Variants in SBF2 observed in about 807,000 individuals in gnomAD.
SBF2 encodes the protein myotubularin-related protein 13.
Under a neutral mutation model 225.2 loss-of-function variants are expected in SBF2, and 112 were observed. The ratio of observed to expected loss-of-function variants is 0.50; its 90% confidence interval spans 0.43 to 0.58. SBF2 has a LOEUF of 0.58. SBF2 is among the 20% of genes least tolerant of loss of function. SBF2 has a pLI of 0.00. For missense variants in SBF2, 1,996 were observed against 2,206.2 expected, an observed-to-expected ratio of 0.90 and a Z score of 1.91; for synonymous variants, 763 against 773.3, an observed-to-expected ratio of 0.99 and a Z score of 0.22.
intron 2 of SBF2, among the ~76,000 whole-genome samples, chr11:10,101,207 G>A (rs1463811279): frequency 6.6e-6 from 1 of 152,062 alleles, no homozygotes; most frequent in Non-Finnish European, 1.5e-5. Flanking sequence ...TCCACTCTTC[G>A]TCTTACCCAG....
chr11:9,967,951 C>CTGTCTGTCTGTCTG (rs1436383200), intron 14 of SBF2, among the ~76,000 whole-genome samples: 2 of 97,338 alleles, frequency 2.1e-5, no homozygotes, highest in African/African-American at 3.9e-5. Flanking sequence ...CTGTCTGTCT[C>CTGTCTGTCTGTCTG]TCTCTCTCTC....
rs1441290187 is a variant in SBF2 at position 9,831,707 on chromosome 11, T to C, written c.3652+517A>G. 2.0e-5 allele frequency among the ~76,000 whole-genome samples: 3 copies of C among 152,224 alleles called. No homozygotes were observed. The East Asian group carries it at 5.8e-4, about 29-fold the overall frequency. On this transcript the variant is annotated intron_variant, in intron 27 of 39. Transcript: ENST00000256190. Reference sequence around the variant, plus strand: ...CAGAATATGGGACAGCTGTACTTATTATTTCGCTAGCTTCCTAAAAACCTC... The same window carrying C: ...CAGAATATGGGACAGCTGTACTTATCATTTCGCTAGCTTCCTAAAAACCTC...
chr11:9,939,625 C>T (rs1274752722), intron 16 of SBF2, among the ~76,000 whole-genome samples: 1 of 152,086 alleles, frequency 6.6e-6, no homozygotes, highest in South Asian at 2.1e-4. Flanking sequence ...TAACAAACAA[C>T]ATTTACAAGA....
At chr11:9,897,243 A>AT (rs113103052) in intron 16 of SBF2, among the ~76,000 whole-genome samples, 9,846 of 148,730 alleles carry the variant, frequency 0.066, 526 homozygotes, top group East Asian at 0.3. Context: ...ATGTTAGATA[A>AT]TTTTTTTTTT....
At chr11:10,177,551 GACAA>G (rs1956524302) in intron 2 of SBF2, among the ~76,000 whole-genome samples, 2 of 148,558 alleles carry the variant, frequency 1.3e-5, no homozygotes, top group Non-Finnish European at 3.0e-5. Flanking sequence ...ACCAACAACA[GACAA>G]ACAGAGAGCC....
intron 2 of SBF2, among the ~76,000 whole-genome samples, chr11:10,118,937 C>CAA (rs149787721): frequency 6.3e-5 from 9 of 141,822 alleles, no homozygotes; most frequent in Admixed American, 3.5e-4. Flanking sequence ...AACAAACAAA[C>CAA]AAAAAAAAAA....
At position 10,150,867 on chromosome 11, in the gene SBF2, G is replaced by A. The variant is rs747364570; in HGVS notation, c.141+43035C>T. ...GCTAAGTAAAAACAAGAATAGGAAT[G>A]AAATGGGAGGATAAATCTTTTACCA... On this transcript the variant is annotated intron_variant, in intron 2 of 39. Coordinates refer to ENST00000256190, the MANE Select transcript of SBF2 (RefSeq NM_030962.4). 1.6e-4 allele frequency among the ~76,000 whole-genome samples: 25 copies of A among 152,076 alleles called. 1 individual carries two copies. Among genetic ancestry groups the A allele is most frequent in the South Asian group, 4.1e-4 (2 of 4,828 alleles).
chr11:10,146,325 T>C (rs1198856672), intron 2 of SBF2, among the ~76,000 whole-genome samples: 1 of 152,108 alleles, frequency 6.6e-6, no homozygotes, highest in Non-Finnish European at 1.5e-5. Context: ...CAAACTATAC[T>C]ACAGGGCTAC....
chr11:9,836,661 C>CAA (rs1429882075), intron 26 of SBF2, among the ~76,000 whole-genome samples: 10 of 152,148 alleles, frequency 6.6e-5, no homozygotes, highest in African/African-American at 2.4e-4. Flanking sequence ...TTCTATAGAA[C>CAA]AATTTCAGGA....
intron 2 of SBF2, among the ~76,000 whole-genome samples, chr11:10,109,826 T>C (rs949324157): frequency 1.3e-5 from 2 of 152,242 alleles, no homozygotes; most frequent in Admixed American, 6.5e-5. Flanking sequence ...CTAAAACATC[T>C]TGTTAAATGT....
chr11:9,848,542 T>C lies in SBF2; in HGVS notation c.2807-1459A>G, dbSNP rs181189522. Among the ~76,000 whole-genome samples, 341 of 152,024 alleles carry C rather than the reference T, an allele frequency of 2.2e-3. 1 individual carries two copies. Among genetic ancestry groups the C allele is most frequent in the African/African-American group, 7.8e-3 (325 of 41,490 alleles). ...ATAAGCAAGGAAAAGGCAGAGAATA[T>C]GAGATTTCACACTACGCATAACTTC... is the stretch of plus-strand genomic sequence containing the variant. On this transcript the variant is annotated intron_variant, in intron 22 of 39. Transcript: ENST00000256190.
chr11:10,113,110 C>T (rs1045097968), intron 2 of SBF2, among the ~76,000 whole-genome samples: 17 of 152,104 alleles, frequency 1.1e-4, no homozygotes, highest in Non-Finnish European at 2.2e-4. Flanking sequence ...CCTCCCACAT[C>T]AGCCTCCCAA....
intron 2 of SBF2, among the ~76,000 whole-genome samples, chr11:10,092,943 A>C (rs1951843533): frequency 6.6e-6 from 1 of 151,438 alleles, no homozygotes; most frequent in South Asian, 2.1e-4. Context: ...CCTTTTAGGA[A>C]AAAAAAAATA....
chr11:10,232,670 C>A (rs191754348), intron 1 of SBF2, among the ~76,000 whole-genome samples: 96 of 151,318 alleles, frequency 6.3e-4, no homozygotes, highest in South Asian at 5.9e-3. Context: ...CTCAACCAAT[C>A]CGCCTGTCTC....
chr11:10,229,471 A>C (rs533155238), intron 1 of SBF2, among the ~76,000 whole-genome samples: 6 of 152,144 alleles, frequency 3.9e-5, no homozygotes, highest in Admixed American at 1.3e-4. Flanking sequence ...CTTTCCCTCT[A>C]CACACTGCTT....
rs912655421 is a variant in SBF2, at chr11:10,172,360, T to C, written c.141+21542A>G. 2.7e-5 allele frequency among the ~76,000 whole-genome samples: 4 copies of C among 148,466 alleles called. No homozygotes were observed. In the East Asian group the frequency reaches 7.8e-4, roughly 29 times the overall value. On this transcript the variant is annotated intron_variant, in intron 2 of 39. Transcript: ENST00000256190. ...CATTATTGTTTGTTTCAAAAAAAAA[T>C]TTTTTTTTTTGAGAAGGAGTCTTGC...
At chr11:9,896,403 G>A (rs776851423) in intron 16 of SBF2, among the ~76,000 whole-genome samples, 39 of 152,082 alleles carry the variant, frequency 2.6e-4, no homozygotes, top group Non-Finnish European at 4.9e-4. Flanking sequence ...TTGAGTCTAA[G>A]ATACATTTTT....
At chr11:9,790,279 T>C (rs1029136181) in intron 34 of SBF2, among the ~76,000 whole-genome samples, 2 of 152,246 alleles carry the variant, frequency 1.3e-5, no homozygotes, top group Non-Finnish European at 2.9e-5. Flanking sequence ...TTGTTAGTTC[T>C]TTCTTTCTGG....
intron 16 of SBF2, among the ~76,000 whole-genome samples, chr11:9,938,278 G>A (rs142266303): frequency 0.022 from 3,304 of 150,056 alleles, 104 homozygotes; most frequent in African/African-American, 0.071. Flanking sequence ...GCGACACAGC[G>A]AGACTCCGTC....
Sources: gnomAD v4.1 joint callset for allele counts (sites outside exome capture counted in the v4.1 genomes callset) on GRCh38, gnomAD v4.1.1 for gene constraint, MANE v1.5 for transcripts, NCBI Gene and HGNC (gene_info 2026-07-23, HGNC 2026-07-21) for gene names.